TASP1: variants seen among roughly 807,000 people sequenced by gnomAD.
TASP1 encodes taspase 1, also known as threonine aspartase 1.
In TASP1, 16 loss-of-function variants were observed where a neutral mutation model predicts 56.6. The observed-to-expected ratio is 0.28, with a 90% CI of 0.19 to 0.43. TASP1 has a LOEUF of 0.43. Ranked by LOEUF, TASP1 falls within the 20% of genes least tolerant of loss-of-function variation. The pLI, the probability that TASP1 is intolerant of heterozygous loss-of-function variation, is 1.00. For missense variants in TASP1, 393 were observed against 511.6 expected, an observed-to-expected ratio of 0.77 and a Z score of 2.24; for synonymous variants, 179 against 184.2, an observed-to-expected ratio of 0.97 and a Z score of 0.23.
At chr20:13,550,852 T>C (rs772410096) in intron 8 of TASP1, among the ~76,000 whole-genome samples, 1 of 152,148 alleles carries the variant, frequency 6.6e-6, no homozygotes, top group African/African-American at 2.4e-5. Context: ...CACAGACAAG[T>C]ACAAATGGAA....
chr20:13,625,507 C>T (rs2048858757), intron 2 of TASP1, among the ~76,000 whole-genome samples: 1 of 152,138 alleles, frequency 6.6e-6, no homozygotes, highest in Non-Finnish European at 1.5e-5. Flanking sequence ...ACCAAGGTCC[C>T]CTCCCCTCTT....
intron 6 of TASP1, among the ~76,000 whole-genome samples, chr20:13,577,725 C>T (rs138838534): frequency 9.2e-5 from 14 of 152,242 alleles, no homozygotes; most frequent in African/African-American, 2.6e-4. Context: ...GATCTTGGAC[C>T]GCTTAACTTC....
chr20:13,427,781 A>C (rs1185422284), intron 12 of TASP1, among the ~76,000 whole-genome samples: 1 of 152,194 alleles, frequency 6.6e-6, no homozygotes, highest in African/African-American at 2.4e-5. Flanking sequence ...TTTTAAAAAT[A>C]TATTAAACAT....
At chr20:13,436,751 AACGCAGCC>A (rs1425043899) in intron 11 of TASP1, among the ~76,000 whole-genome samples, 4 of 152,168 alleles carry the variant, frequency 2.6e-5, no homozygotes, top group African/African-American at 9.6e-5. Flanking sequence ...CCTTTCCAGC[AACGCAGCC>A]AACTCAAGAC....
the TASP1 span, among the ~76,000 whole-genome samples, chr20:13,374,329 G>A: frequency 6.7e-6 from 1 of 150,124 alleles, no homozygotes; most frequent in African/African-American, 2.4e-5. Flanking sequence ...CACTGTTCCT[G>A]TTTCTTTTGC....
chr20:13,634,941 T>C (rs113504959), intron 1 of TASP1, among the ~76,000 whole-genome samples: 74 of 152,098 alleles, frequency 4.9e-4, no homozygotes, highest in African/African-American at 1.7e-3. Flanking sequence ...GGCAGGAGAA[T>C]CGCTTGAACC....
chr20:13,471,296 G>A (rs1347321767), intron 11 of TASP1, among the ~76,000 whole-genome samples: 3 of 152,030 alleles, frequency 2.0e-5, no homozygotes, highest in Non-Finnish European at 2.9e-5. Context: ...ACAACCCCAA[G>A]GTCTCAACTC....
intron 11 of TASP1, among the ~76,000 whole-genome samples, chr20:13,453,762 G>T (rs768246719): frequency 6.6e-6 from 1 of 152,032 alleles, no homozygotes; most frequent in South Asian, 2.1e-4. Context: ...TCACAGGAAG[G>T]TTACATTCTG....
chr20:13,118,429 A>G, the TASP1 span, among the ~76,000 whole-genome samples: 1 of 144,524 alleles, frequency 6.9e-6, no homozygotes, highest in African/African-American at 2.5e-5. Flanking sequence ...TCTAGTGCCA[A>G]TATCACCAAG....
intron 10 of TASP1, among the ~76,000 whole-genome samples, chr20:13,505,242 G>A (rs1016835460): frequency 4.6e-5 from 7 of 152,112 alleles, no homozygotes; most frequent in South Asian, 2.1e-4. Context: ...AAATACATAT[G>A]TACCCATCAT....
At chr20:13,233,169 G>A in the TASP1 span, among the ~76,000 whole-genome samples, 4 of 152,216 alleles carry the variant, frequency 2.6e-5, no homozygotes, top group South Asian at 2.1e-4. Flanking sequence ...AATAGATTTC[G>A]TATCTCCTGC....
At chr20:13,175,582 G>T in the TASP1 span, among the ~76,000 whole-genome samples, 1 of 152,054 alleles carries the variant, frequency 6.6e-6, no homozygotes, top group Non-Finnish European at 1.5e-5. Flanking sequence ...TTCTGTCTAG[G>T]CTCTAGATGA....
chr20:13,168,180 CTTTT>C, the TASP1 span: 7 of 140,308 alleles, frequency 5.0e-5, no homozygotes, highest in African/African-American at 7.9e-5. Flanking sequence ...TTCTTTCTTT[CTTTT>C]TTTTTTTTTT....
chr20:13,585,402 T>G (rs6042225), intron 5 of TASP1, among the ~76,000 whole-genome samples: 1 of 152,002 alleles, frequency 6.6e-6, no homozygotes, highest in Non-Finnish European at 1.5e-5. Context: ...TAAGAGATTG[T>G]AAAGGCAAAC....
chr20:13,163,382 A>C, the TASP1 span, among the ~76,000 whole-genome samples: 1 of 151,668 alleles, frequency 6.6e-6, no homozygotes, highest in African/African-American at 2.4e-5. Context: ...AAAAAAAAAA[A>C]AAAAAAAATA....
intron 12 of TASP1, among the ~76,000 whole-genome samples, chr20:13,429,009 G>C (rs569232278): frequency 6.6e-6 from 1 of 152,274 alleles, no homozygotes; most frequent in South Asian, 2.1e-4. Flanking sequence ...ATGATTCTTA[G>C]AAGCAGTGGA....
intron 4 of TASP1, among the ~76,000 whole-genome samples, chr20:13,596,155 C>A (rs567454499): frequency 6.6e-6 from 1 of 152,088 alleles, no homozygotes; most frequent in African/African-American, 2.4e-5. Flanking sequence ...GGCAGATCAC[C>A]TGAGGTCGGG....
At chr20:13,395,361 G>A (rs561978231) in intron 13 of TASP1, among the ~76,000 whole-genome samples, 5 of 152,292 alleles carry the variant, frequency 3.3e-5, no homozygotes, top group Non-Finnish European at 5.9e-5. Flanking sequence ...ATGTTACCAC[G>A]TGCTTTTGAA....
chr20:13,178,053 A>G, the TASP1 span, among the ~76,000 whole-genome samples: 1 of 152,088 alleles, frequency 6.6e-6, no homozygotes, highest in Non-Finnish European at 1.5e-5. Flanking sequence ...AGACATTTCA[A>G]CAACAACAAC....
Sources: gnomAD v4.1 joint callset for allele counts (sites outside exome capture counted in the v4.1 genomes callset) on GRCh38, gnomAD v4.1.1 for gene constraint, MANE v1.5 for transcripts, NCBI Gene and HGNC (gene_info 2026-07-23, HGNC 2026-07-21) for gene names.